The following FMN1 variants were observed in gnomAD, a reference collection of about 807,000 sequenced individuals.
FMN1 encodes the protein formin-1.
In FMN1, 110 loss-of-function variants were observed where a neutral mutation model predicts 132.4. The observed-to-expected ratio is 0.83, with a 90% CI of 0.71 to 0.97. The LOEUF (loss-of-function observed/expected upper bound fraction) is 0.97, where lower values mean the gene tolerates loss of function less well. FMN1 is among the 50% of genes least tolerant of loss of function. The pLI is 0.00. For missense variants in FMN1, 1,792 were observed against 1,705.3 expected (o/e 1.05, Z -0.90); for synonymous variants, 722 against 651.7 (o/e 1.11, Z -1.64).
chr15:33,165,402 T>A (rs561417415), intron 3 of FMN1, among the ~76,000 whole-genome samples: 1 of 152,214 alleles, frequency 6.6e-6, no homozygotes, highest in Non-Finnish European at 1.5e-5. Flanking sequence ...TTTTCTTTCT[T>A]TTTTTTGAGA....
chr15:33,013,710 A>C (rs943188777), intron 6 of FMN1, among the ~76,000 whole-genome samples: 1 of 152,234 alleles, frequency 6.6e-6, no homozygotes, highest in African/African-American at 2.4e-5. Flanking sequence ...GTGACTTAGT[A>C]AGTTTAAATC....
chr15:32,814,448 T>C (rs574297482), intron 17 of FMN1, among the ~76,000 whole-genome samples: 6 of 152,240 alleles, frequency 3.9e-5, no homozygotes, highest in Non-Finnish European at 5.9e-5. Context: ...TACAATACTT[T>C]AGAAGTATTT....
At chr15:32,947,066 T>C (rs1170479657) in intron 9 of FMN1, among the ~76,000 whole-genome samples, 7 of 152,182 alleles carry the variant, frequency 4.6e-5, no homozygotes, top group African/African-American at 1.7e-4. Context: ...TTTAATGTAG[T>C]CACATTTCAT....
intron 6 of FMN1, among the ~76,000 whole-genome samples, chr15:33,037,655 T>G (rs2036249081): frequency 6.6e-6 from 1 of 152,218 alleles, no homozygotes; most frequent in South Asian, 2.1e-4. Flanking sequence ...CCACTTTCAC[T>G]TGCTTTGCCA....
intron 16 of FMN1, among the ~76,000 whole-genome samples, chr15:32,869,267 G>A (rs1384704879): frequency 6.6e-6 from 1 of 152,018 alleles, no homozygotes; most frequent in East Asian, 1.9e-4. Context: ...AAGCTTCTGG[G>A]CCCCAAAGGT....
chr15:33,179,584 C>T (rs552308670), intron 3 of FMN1, among the ~76,000 whole-genome samples: 2 of 152,294 alleles, frequency 1.3e-5, no homozygotes, highest in African/African-American at 4.8e-5. Flanking sequence ...CTCCATGGAA[C>T]TTGTCATCTG....
chr15:33,086,325 AT>A (rs1386689652), intron 5 of FMN1, among the ~76,000 whole-genome samples: 3 of 151,264 alleles, frequency 2.0e-5, no homozygotes, highest in Non-Finnish European at 4.4e-5. Flanking sequence ...TTTAAAAAAA[AT>A]CTCTCATTGA....
chr15:32,809,660 C>G (rs926153876), intron 17 of FMN1, among the ~76,000 whole-genome samples: 16 of 152,086 alleles, frequency 1.1e-4, no homozygotes, highest in Non-Finnish European at 2.1e-4. Context: ...TCTTCTCTTT[C>G]TTTGAAAACC....
chr15:32,953,014 G>C (rs1466697427), intron 9 of FMN1, among the ~76,000 whole-genome samples: 2 of 152,160 alleles, frequency 1.3e-5, no homozygotes, highest in African/African-American at 4.8e-5. Context: ...CTGTACTGGG[G>C]AACTCCCAGG....
chr15:33,167,569 G>T (rs1965158622), intron 3 of FMN1, among the ~76,000 whole-genome samples: 1 of 152,134 alleles, frequency 6.6e-6, no homozygotes, highest in Non-Finnish European at 1.5e-5. Flanking sequence ...CAAAGCAGGG[G>T]TTGGGGTGCT....
chr15:32,865,718 C>T (rs999951608), intron 16 of FMN1, among the ~76,000 whole-genome samples: 5 of 151,908 alleles, frequency 3.3e-5, no homozygotes, highest in Admixed American at 6.5e-5. Context: ...TGCCTGTAAT[C>T]CCAGCTACTC....
intron 6 of FMN1, among the ~76,000 whole-genome samples, chr15:33,021,901 T>C (rs1211004120): frequency 6.6e-6 from 1 of 152,146 alleles, no homozygotes; most frequent in Non-Finnish European, 1.5e-5. Flanking sequence ...AGTTAAATAA[T>C]GGCCACAAAA....
At chr15:32,810,037 A>G (rs959881402) in intron 17 of FMN1, among the ~76,000 whole-genome samples, 7 of 152,044 alleles carry the variant, frequency 4.6e-5, no homozygotes, top group Admixed American at 2.0e-4. Flanking sequence ...CTCCAGCCTC[A>G]GCCTCCCAAG....
At chr15:33,017,627 T>G (rs1428767781) in intron 6 of FMN1, among the ~76,000 whole-genome samples, 1 of 152,234 alleles carries the variant, frequency 6.6e-6, no homozygotes, top group Non-Finnish European at 1.5e-5. Context: ...GAATTGTAAC[T>G]GTCAACCTTT....
chr15:32,998,850 A>G (rs2033930823), intron 7 of FMN1, among the ~76,000 whole-genome samples: 1 of 152,210 alleles, frequency 6.6e-6, no homozygotes, highest in Non-Finnish European at 1.5e-5. Context: ...AGCAATCAAC[A>G]TTCTACAACA....
At chr15:32,999,762 C>T (rs147172856) in intron 7 of FMN1, among the ~76,000 whole-genome samples, 2 of 152,316 alleles carry the variant, frequency 1.3e-5, no homozygotes, top group East Asian at 3.9e-4. Flanking sequence ...AACAATCTGT[C>T]GTTTCCAAGT....
At chr15:32,786,420 A>G (rs986489735) in intron 19 of FMN1, among the ~76,000 whole-genome samples, 1 of 152,190 alleles carries the variant, frequency 6.6e-6, no homozygotes, top group Non-Finnish European at 1.5e-5. Flanking sequence ...ACCAGTCATT[A>G]TCAGGGACAG....
intron 17 of FMN1, among the ~76,000 whole-genome samples, chr15:32,831,608 T>C (rs191231733): frequency 6.6e-6 from 1 of 152,204 alleles, no homozygotes; most frequent in East Asian, 1.9e-4. Flanking sequence ...GAGGCAATCA[T>C]GAGACTCCCT....
chr15:32,981,879 C>A lies in FMN1; in HGVS notation c.2224-12402G>T, dbSNP rs74012423. On this transcript the variant is annotated intron_variant, in intron 7 of 20. Transcript: ENST00000616417. ...AAATTCATTTTTAAAACAGCATGAT[C>A]CATTTAAAAACTGATCAATTAGACA... 2.5e-3 allele frequency among the ~76,000 whole-genome samples: 387 copies of A among 152,164 alleles called. 3 individuals carry two copies. Among genetic ancestry groups the A allele is most frequent in the African/African-American group, 8.9e-3 (369 of 41,506 alleles).
Sources: gnomAD v4.1 joint callset for allele counts (sites outside exome capture counted in the v4.1 genomes callset) on GRCh38, gnomAD v4.1.1 for gene constraint, MANE v1.5 for transcripts, NCBI Gene and HGNC (gene_info 2026-07-23, HGNC 2026-07-21) for gene names.